The following DYNC2I2 variants were observed in gnomAD, a reference collection of about 807,000 sequenced individuals.
DYNC2I2 encodes the protein cytoplasmic dynein 2 intermediate chain 2.
Under a neutral mutation model 52.0 loss-of-function variants are expected in DYNC2I2, and 39 were observed. The observed-to-expected ratio is 0.75, with a 90% CI of 0.58 to 0.98. DYNC2I2 has a LOEUF of 0.98. DYNC2I2 is among the 50% of genes least tolerant of loss of function. The probability of loss-of-function intolerance (pLI) is 0.00; values close to 1 mark genes in which losing one functional copy is unlikely to be tolerated. For synonymous variants in DYNC2I2, 359 were observed against 321.1 expected (o/e 1.12, Z -1.26); for missense variants, 743 against 728.4 (o/e 1.02, Z -0.23).
chr9:128,649,701 A>AC (rs1159262556), intron 1 of DYNC2I2, among the ~76,000 whole-genome samples: 1 of 145,584 alleles, frequency 6.9e-6, no homozygotes, highest in African/African-American at 2.6e-5. Flanking sequence ...AAAAAAAAAA[A>AC]AAAAAAAACT....
chr9:128,684,229 C>A, the DYNC2I2 span, among the ~76,000 whole-genome samples: 1 of 152,044 alleles, frequency 6.6e-6, no homozygotes, highest in Non-Finnish European at 1.5e-5. Context: ...CAACACTGAC[C>A]CCTGAGCTTG....
rs931678331 is a variant in DYNC2I2, at chr9:128,635,044, C to T, written c.981+48G>A. 3.8e-6 allele frequency: 6 copies of T among 1,589,584 alleles called. No individual in the cohort carries two copies. In the Admixed American group the frequency reaches 1.0e-4, roughly 27 times the overall value. ...GGCCCACTGCCACACCTTCCCACCC[C>T]CAAGGCTCACCGGCGCAGGCCAGGG... On this transcript the variant is annotated intron_variant, in intron 6 of 8. Transcript: ENST00000372715.
chr9:128,683,926 C>A, the DYNC2I2 span: 9 of 1,555,352 alleles, frequency 5.8e-6, no homozygotes, highest in African/African-American at 1.1e-4. Context: ...TCCACTCCCG[C>A]CTCAAAAGAA....
At chr9:128,683,426 T>A in the DYNC2I2 span, 1 of 223,214 alleles carries the variant, frequency 4.5e-6, no homozygotes, top group African/African-American at 2.2e-5. Flanking sequence ...TGTGGTTTAC[T>A]GAGGAATGTT....
intron 1 of DYNC2I2, among the ~76,000 whole-genome samples, chr9:128,653,729 A>C (rs891138143): frequency 7.7e-6 from 1 of 130,430 alleles, no homozygotes; most frequent in Non-Finnish European, 1.6e-5. Context: ...AAAAAAACCC[A>C]GGCCGGGCGC....
In DYNC2I2 at chr9:128,637,009, G is replaced by C; in HGVS notation, c.454C>G (p.Leu152Val). 1.9e-6 allele frequency: 3 copies of C among 1,613,302 alleles called. No homozygotes were observed. Among genetic ancestry groups the C allele is most frequent in the Non-Finnish European group, 1.7e-6 (2 of 1,179,912 alleles). Residue 152 changes from leucine to valine, a missense_variant, in exon 3 of 9, where the codon CTG becomes GTG. By Grantham distance (32) the Leu-to-Val change is conservative. Coordinates refer to ENST00000372715, the MANE Select transcript of DYNC2I2 (RefSeq NM_052844.4). ...TGCGCTTGGGCTGGCGGGTAGCCCA[G>C]GGTATACAGACAAGACACCTGCGGA... The part of the protein sequence containing the change: ...QQQMVSCLYT[L>V]GYPPAQAQGL...
At chr9:128,655,376 T>TGGC (rs996538970) in intron 1 of DYNC2I2, among the ~76,000 whole-genome samples, 1 of 98,826 alleles carries the variant, frequency 1.0e-5, no homozygotes, top group Non-Finnish European at 2.0e-5. Flanking sequence ...CCGGGCGTGG[T>TGGC]GGCGGGCGCC....
the DYNC2I2 span, among the ~76,000 whole-genome samples, chr9:128,684,315 C>T: frequency 6.6e-6 from 1 of 152,076 alleles, no homozygotes. Flanking sequence ...CCTGAGGCCC[C>T]TCCTTCACCC....
intron 1 of DYNC2I2, among the ~76,000 whole-genome samples, chr9:128,641,976 T>TACAC (rs142269423): frequency 0.021 from 3,101 of 147,054 alleles, 95 homozygotes; most frequent in African/African-American, 0.064. Flanking sequence ...TTTATATACA[T>TACAC]ACACACACAC....
intron 1 of DYNC2I2, among the ~76,000 whole-genome samples, chr9:128,654,058 G>C (rs1255111047): frequency 6.6e-6 from 1 of 152,168 alleles, no homozygotes; most frequent in African/African-American, 2.4e-5. Context: ...GAGCTATTTT[G>C]AGTATTGCTT....
At chr9:128,683,097 C>T in the DYNC2I2 span, among the ~76,000 whole-genome samples, 2 of 151,406 alleles carry the variant, frequency 1.3e-5, no homozygotes, top group East Asian at 1.9e-4. Context: ...CAGGTTCAAG[C>T]GATTCTCCTG....
the DYNC2I2 span, among the ~76,000 whole-genome samples, chr9:128,679,559 G>A: frequency 5.3e-5 from 8 of 152,022 alleles, no homozygotes; most frequent in East Asian, 1.9e-4. Context: ...TACCTCCCGG[G>A]CTCAAGCCAT....
the DYNC2I2 span, among the ~76,000 whole-genome samples, chr9:128,680,630 G>T: frequency 1.3e-5 from 2 of 151,562 alleles, no homozygotes; most frequent in African/African-American, 4.9e-5. Context: ...GCCTGCCTCG[G>T]CCTCCCAAAG....
chr9:128,663,735 C>T, the DYNC2I2 span, among the ~76,000 whole-genome samples: 2 of 149,248 alleles, frequency 1.3e-5, no homozygotes, highest in Non-Finnish European at 3.0e-5. Context: ...CACACTGCAG[C>T]CTCAACATCC....
chr9:128,642,313 G>A (rs1218663125), intron 1 of DYNC2I2, among the ~76,000 whole-genome samples: 2 of 142,834 alleles, frequency 1.4e-5, no homozygotes, highest in South Asian at 2.2e-4. Context: ...AAAATTAGCC[G>A]GGTGTGGTGG....
At chr9:128,680,666 C>T in the DYNC2I2 span, among the ~76,000 whole-genome samples, 22 of 150,972 alleles carry the variant, frequency 1.5e-4, 1 homozygote, top group East Asian at 2.7e-3. Context: ...TGTGAGCCAC[C>T]GTGCCCAGCC....
the DYNC2I2 span, among the ~76,000 whole-genome samples, chr9:128,666,910 C>T: frequency 6.6e-6 from 1 of 151,922 alleles, no homozygotes; most frequent in Non-Finnish European, 1.5e-5. Flanking sequence ...CTACGAAATA[C>T]AAAAATTAGG....
chr9:128,681,369 G>C, the DYNC2I2 span, among the ~76,000 whole-genome samples: 1 of 152,230 alleles, frequency 6.6e-6, no homozygotes, highest in East Asian at 1.9e-4. Flanking sequence ...GGGATTACAG[G>C]TGTGAGCCAC....
chr9:128,634,589 G>A, intron 7 of DYNC2I2, 100 bp downstream of exon 7: 11 of 1,352,732 alleles, frequency 8.1e-6, no homozygotes, highest in Non-Finnish European at 1.1e-5. Flanking sequence ...GTGGGCAGAA[G>A]GCAAGCACTT....
Sources: gnomAD v4.1 joint callset for allele counts (sites outside exome capture counted in the v4.1 genomes callset) on GRCh38, gnomAD v4.1.1 for gene constraint, MANE v1.5 for transcripts, NCBI Gene and HGNC (gene_info 2026-07-23, HGNC 2026-07-21) for gene names.